KCNIP2: variants seen among roughly 807,000 people sequenced by gnomAD.
The protein encoded by KCNIP2 is A-type potassium channel modulatory protein KCNIP2.
Under a neutral mutation model 39.0 loss-of-function variants are expected in KCNIP2, and 19 were observed. The observed-to-expected ratio is 0.49, with a 90% CI of 0.34 to 0.71. The LOEUF (loss-of-function observed/expected upper bound fraction) is 0.71, where lower values mean the gene tolerates loss of function less well. KCNIP2 is among the 30% of genes least tolerant of loss of function. The pLI is 0.01. For missense variants in KCNIP2, 261 were observed against 346.0 expected, an observed-to-expected ratio of 0.75 and a Z score of 1.95; for synonymous variants, 111 against 131.2, an observed-to-expected ratio of 0.85 and a Z score of 1.05.
Position 101,843,038 on chromosome 10 carries a change from C to T in KCNIP2, c.73+458G>A, listed in dbSNP as rs1170217494. On this transcript the variant is annotated intron_variant, in intron 1 of 9. Coordinates refer to ENST00000356640, the MANE Select transcript of KCNIP2 (RefSeq NM_173191.3). This position sits in a 1 kb window ranked among gnomAD's most constrained non-coding sequence, Gnocchi z 6.7. ...ATCGTTGCACATAGAGACACATGGT[C>T]AAAACAACTTCATCAGTACAACCAG... 6.6e-6 allele frequency among the ~76,000 whole-genome samples: 1 copy of T among 152,210 alleles called. No homozygotes were observed. The highest frequency in any genetic ancestry group is 2.4e-5 in the African/African-American group (1 of 41,444).
chr10:101,839,115 A>G (rs1322772984), intron 1 of KCNIP2, among the ~76,000 whole-genome samples: 1 of 152,200 alleles, frequency 6.6e-6, no homozygotes, highest in Admixed American at 6.5e-5. Context: ...GTGTCACAGA[A>G]TCCCAGTGAT....
At chr10:101,827,776 A>T (rs781697732) in intron 8 of KCNIP2, 25 bp from the exon 9 acceptor site, 4 of 1,581,772 alleles carry the variant, frequency 2.5e-6, no homozygotes, top group African/African-American at 2.7e-5. Context: ...TCAGGCAGGG[A>T]GAACAGGAGG....
In KCNIP2 at chr10:101,826,034, G is replaced by A. The variant is rs1181181759; in HGVS notation, c.*1319C>T. The A allele has an allele frequency of 6.6e-6, 1 of 152,594 alleles. No individual in the cohort carries two copies. Among genetic ancestry groups the A allele is most frequent in the Non-Finnish European group, 1.5e-5 (1 of 68,022 alleles). The allele number at this position is 152,594 out of a possible 1,614,324, so 9.5% of individuals were successfully genotyped here. ...TTCTTACTTTACAAAATATATAGAA[G>A]AGCCCAAAATGCAAAGCAGTCAACA... On this transcript the variant is annotated 3_prime_UTR_variant, in exon 10 of 10. Transcript: ENST00000356640.
Position 101,843,795 on chromosome 10 carries a change from G to A in KCNIP2, c.-227C>T. 2.9e-6 allele frequency: 1 copy of A among 350,064 alleles called. No individual in the cohort carries two copies. 21.7% of individuals were successfully genotyped at this position (350,064 alleles called of 1,614,324 possible). A position where few individuals can be genotyped will look rare whatever the true frequency, so the allele number is the denominator to read the frequency against. On this transcript the variant is annotated 5_prime_UTR_variant, in exon 1 of 10. Transcript: ENST00000356640. This position sits in a 1 kb window ranked among gnomAD's most constrained non-coding sequence, Gnocchi z 6.7. ...GTGAGCGCAGAGCCGGAGGCAGAGCGGAGCTGAGCGCGGAGCCGAGCCGAG... is the reference window on the plus strand; with the variant it reads ...GTGAGCGCAGAGCCGGAGGCAGAGCAGAGCTGAGCGCGGAGCCGAGCCGAG...
chr10:101,843,474 G>C lies in KCNIP2; in HGVS notation c.73+22C>G, dbSNP rs539873501. The C allele has an allele frequency of 6.7e-7, 1 of 1,500,118 alleles. No homozygotes were observed. Among genetic ancestry groups the C allele is most frequent in the Non-Finnish European group, 9.0e-7 (1 of 1,115,498 alleles). 92.9% of individuals were successfully genotyped at this position (1,500,118 alleles called of 1,614,324 possible). A position where few individuals can be genotyped will look rare whatever the true frequency, so the allele number is the denominator to read the frequency against. On this transcript the variant is annotated intron_variant, in intron 1 of 9. Transcript: ENST00000356640. The surrounding 1 kb of genome is among the most constrained non-coding windows in gnomAD (Gnocchi z 6.7). ...GAATGGAATCCACCCTCCCTCCCGCGACCCCCACGTCACTGACTCACCCGT... is the reference window on the plus strand; with the variant it reads ...GAATGGAATCCACCCTCCCTCCCGCCACCCCCACGTCACTGACTCACCCGT...
rs535715709 is a variant in KCNIP2 at position 101,840,077 on chromosome 10, G to A, written c.73+3419C>T. Among the ~76,000 whole-genome samples, 4 of 150,758 alleles carry A rather than the reference G, an allele frequency of 2.7e-5. No homozygotes were observed. In the East Asian group the frequency reaches 7.8e-4, roughly 29 times the overall value. On this transcript the variant is annotated intron_variant, in intron 1 of 9. Coordinates refer to ENST00000356640, the MANE Select transcript of KCNIP2 (RefSeq NM_173191.3). ...CTGGACGGGGGGGGGGGGTGGCGGG[G>A]AGGGGCGGCGCGGACTCAGCCTTCT...
At chr10:101,835,980 C>T (rs2066144219) in intron 1 of KCNIP2, among the ~76,000 whole-genome samples, 1 of 152,250 alleles carries the variant, frequency 6.6e-6, no homozygotes, top group South Asian at 2.1e-4. Context: ...CCACACTACA[C>T]TGGCTCCCTT....
At chr10:101,837,130 A>C (rs929702832) in intron 1 of KCNIP2, among the ~76,000 whole-genome samples, 3 of 152,158 alleles carry the variant, frequency 2.0e-5, no homozygotes, top group African/African-American at 7.2e-5. Context: ...AAATAAACAA[A>C]GATAATATTT....
At chr10:101,834,246 A>C in intron 1 of KCNIP2, 1 of 399,228 alleles carries the variant, frequency 2.5e-6, no homozygotes, top group Non-Finnish European at 4.4e-6. Flanking sequence ...CAGCTCAGAC[A>C]TGCCAGGACA....
chr10:101,841,097 T>TTTTTG lies in KCNIP2; in HGVS notation c.73+2394_73+2398dup, dbSNP rs944638815. Among the ~76,000 whole-genome samples, 5 of 152,202 alleles carry TTTTTG rather than the reference T, an allele frequency of 3.3e-5. No homozygotes were observed. In the East Asian group the frequency reaches 7.8e-4, roughly 24 times the overall value. On this transcript the variant is annotated intron_variant, in intron 1 of 9. Transcript: ENST00000356640. ...GGGGTCCGGGCGGGGCTCGGACTGT[T>TTTTTG]TTTTGTTTTGTTTTGTTTTCCTAAA...
chr10:101,830,871 C>A (rs1266522043), intron 2 of KCNIP2, among the ~76,000 whole-genome samples: 1 of 151,704 alleles, frequency 6.6e-6, no homozygotes, highest in African/African-American at 2.4e-5. Flanking sequence ...CACGCTCGCG[C>A]GCACATGCAC....
rs930446320 is a variant in KCNIP2, at chr10:101,843,026, G to A, written c.73+470C>T. 6.6e-6 allele frequency among the ~76,000 whole-genome samples: 1 copy of A among 152,164 alleles called. No homozygotes were observed. The highest frequency in any genetic ancestry group is 1.5e-5 in the Non-Finnish European group (1 of 68,034). On this transcript the variant is annotated intron_variant, in intron 1 of 9. Transcript: ENST00000356640. This position sits in a 1 kb window ranked among gnomAD's most constrained non-coding sequence, Gnocchi z 6.7. Reference sequence around the variant, plus strand: ...CACTCACAACACATCGTTGCACATAGAGACACATGGTCAAAACAACTTCAT... The same window carrying A: ...CACTCACAACACATCGTTGCACATAAAGACACATGGTCAAAACAACTTCAT...
Position 101,829,120 on chromosome 10 carries a change from T to C in KCNIP2, c.303A>G (p.Lys101=), listed in dbSNP as rs781758222. The C allele has an allele frequency of 6.2e-7, 1 of 1,614,136 alleles. No homozygotes were observed. Among genetic ancestry groups the C allele is most frequent in the Non-Finnish European group, 8.5e-7 (1 of 1,180,010 alleles). ...GGACCTGCAACTCCTTGCGCGTGAA[T>C]TTGGTTTGCTCCTGCAGCTGCTCCA... ...EGLEQLQEQT[K]FTRKELQVLY... The change falls in exon 4 of 10, where the codon AAA becomes AAG. Residue 101 remains lysine (K), a synonymous_variant. Coordinates refer to ENST00000356640, the MANE Select transcript of KCNIP2 (RefSeq NM_173191.3).
intron 1 of KCNIP2, among the ~76,000 whole-genome samples, chr10:101,836,274 CTTTTTTTTTTT>C (rs976487755): frequency 4.8e-5 from 6 of 124,660 alleles, no homozygotes; most frequent in East Asian, 4.4e-4. Flanking sequence ...TTTTTTTTCT[CTTTTTTTTTTT>C]TTTTTTTTTT....
chr10:101,836,642 C>G (rs541948376), intron 1 of KCNIP2, among the ~76,000 whole-genome samples: 1 of 152,290 alleles, frequency 6.6e-6, no homozygotes, highest in East Asian at 1.9e-4. Flanking sequence ...CCAGCCTGGG[C>G]AACATGGCGA....
In KCNIP2 at chr10:101,827,875, C is replaced by T. The variant is rs775478545; in HGVS notation, c.702+14G>A. 5 of 1,603,570 alleles carry T rather than the reference C, an allele frequency of 3.1e-6. No homozygotes were observed. Among genetic ancestry groups the T allele is most frequent in the African/African-American group, 1.3e-5 (1 of 74,702 alleles). On this transcript the variant is annotated intron_variant, in intron 8 of 9. Coordinates refer to ENST00000356640, the MANE Select transcript of KCNIP2 (RefSeq NM_173191.3). ...TTCACTCCAGGGCCCTCCAGCCTAC[C>T]CACTCCCAAGTACCTGGAAGAAGCT...
chr10:101,842,794 A>G (rs1419272388), intron 1 of KCNIP2, among the ~76,000 whole-genome samples: 1 of 152,200 alleles, frequency 6.6e-6, no homozygotes, highest in African/African-American at 2.4e-5. Flanking sequence ...ATAGACACTC[A>G]CAGAGCCCCG....
intron 2 of KCNIP2, among the ~76,000 whole-genome samples, chr10:101,830,679 GCCCA>G (rs1397831321): frequency 1.5e-5 from 2 of 131,180 alleles, no homozygotes; most frequent in Admixed American, 1.6e-4. Flanking sequence ...CGCTGGTCAC[GCCCA>G]CACACACACA....
chr10:101,828,789 G>T lies in KCNIP2; in HGVS notation c.349-93C>A. On this transcript the variant is annotated intron_variant, in intron 4 of 9. Coordinates refer to ENST00000356640, the MANE Select transcript of KCNIP2 (RefSeq NM_173191.3). The surrounding 1 kb of genome is among the most constrained non-coding windows in gnomAD (Gnocchi z 6.6). ...CATGGCCCAAGACTCCCAGGGAGGG[G>T]GATAATCTTCAAGCCTCCAGAGGAC... The T allele has an allele frequency of 6.2e-7, 1 of 1,607,782 alleles. No homozygotes were observed. Among genetic ancestry groups the T allele is most frequent in the Non-Finnish European group, 8.5e-7 (1 of 1,176,898 alleles).
Sources: allele counts gnomAD v4.1 joint callset (sites outside exome capture counted in the v4.1 genomes callset), GRCh38; gene constraint gnomAD v4.1.1; non-coding constraint Gnocchi (gnomAD v3.1); transcripts MANE v1.5; gene names NCBI Gene and HGNC (gene_info 2026-07-23, HGNC 2026-07-21).